GDPGP1: variants seen among roughly 807,000 people sequenced by gnomAD.
The protein encoded by GDPGP1 is GDP-D-glucose phosphorylase C15orf58.
Under a neutral mutation model 19.2 loss-of-function variants are expected in GDPGP1, and 18 were observed. The observed-to-expected ratio is 0.94, with a 90% CI of 0.65 to 1.39. The LOEUF is 1.39. Ranked by LOEUF, GDPGP1 falls within the 40% of genes most tolerant of loss-of-function variation. The pLI is 0.00. For missense variants in GDPGP1, 449 were observed against 490.5 expected (o/e 0.92, Z 0.80); for synonymous variants, 219 against 208.9 (o/e 1.05, Z -0.42).
chr15:90,241,563 C>T lies in GDPGP1; in HGVS notation c.655C>T (p.Leu219=), dbSNP rs1450395732. 6.2e-7 allele frequency: 1 copy of T among 1,613,334 alleles called. No individual in the cohort carries two copies. Among genetic ancestry groups the T allele is most frequent in the African/African-American group, 1.3e-5 (1 of 75,074 alleles). The change falls in exon 4 of 4, where the codon CTG becomes TTG. Residue 219 remains leucine, a synonymous_variant. Coordinates refer to ENST00000329600, the MANE Select transcript of GDPGP1 (RefSeq NM_001013657.3). ...GGLASVNHLH[L]HGYYLAHRLP... is the part of the protein sequence containing the mutation. ...CTTGGCCTCGGTGAACCACCTCCAC[C>T]TGCATGGCTATTACCTGGCCCACAG...
rs903501565 is a variant in GDPGP1, at chr15:90,244,983, C to A, written c.*2917C>A. 2.0e-5 allele frequency: 3 copies of A among 152,288 alleles called. No homozygotes were observed. The highest frequency in any genetic ancestry group is 7.2e-5 in the African/African-American group (3 of 41,448). 9.4% of individuals were successfully genotyped at this position (152,288 alleles called of 1,614,324 possible). A position where few individuals can be genotyped will look rare whatever the true frequency, so the allele number is the denominator to read the frequency against. ...TCTGGCTGCTGTCTGAGTGGGCTCA[C>A]CCAGGAGGGGTTTTGATTTCTCTGC... On this transcript the variant is annotated 3_prime_UTR_variant, in exon 4 of 4. Transcript: ENST00000329600.
chr15:90,243,297 G>C lies in GDPGP1; in HGVS notation c.*1231G>C, dbSNP rs1307423538. 2.0e-5 allele frequency: 3 copies of C among 152,164 alleles called. No individual in the cohort carries two copies. Among genetic ancestry groups the C allele is most frequent in the Non-Finnish European group, 4.4e-5 (3 of 68,046 alleles). 9.4% of individuals were successfully genotyped at this position (152,164 alleles called of 1,614,324 possible). A position where few individuals can be genotyped will look rare whatever the true frequency, so the allele number is the denominator to read the frequency against. On this transcript the variant is annotated 3_prime_UTR_variant, in exon 4 of 4. Transcript: ENST00000329600. ...GCTTTCCTCTAGCCCCCAACACCAAGTTGAATGCTCTTCACTGACATCATC... is the reference window on the plus strand; with the variant it reads ...GCTTTCCTCTAGCCCCCAACACCAACTTGAATGCTCTTCACTGACATCATC...
chr15:90,238,426 T>A (rs1596177025), intron 2 of GDPGP1, 66 bp from the exon 3 acceptor site: 2 of 152,266 alleles, frequency 1.3e-5, no homozygotes, highest in Admixed American at 1.3e-4. Context: ...CTCATTAAAC[T>A]TAGCTTGACT....
intron 2 of GDPGP1, among the ~76,000 whole-genome samples, chr15:90,236,913 C>T (rs953486347): frequency 1.3e-5 from 2 of 152,046 alleles, no homozygotes; most frequent in Admixed American, 1.3e-4. Context: ...ACCTGATCAA[C>T]TCTTGGTACA....
chr15:90,241,872 A>T lies in GDPGP1; in HGVS notation c.964A>T (p.Ile322Leu), dbSNP rs1200231362. The change falls in exon 4 of 4, where the codon ATA becomes TTA. Residue 322 changes from isoleucine to leucine, a missense_variant. Ile to Leu is a conservative substitution (Grantham distance 5). Coordinates refer to ENST00000329600, the MANE Select transcript of GDPGP1 (RefSeq NM_001013657.3). Reference protein sequence around the residue: ...ILWARKSSFGIKDGEAFNVAL... With the variant: ...ILWARKSSFGLKDGEAFNVAL... ...GTGGGCCCGGAAGTCCAGCTTTGGG[A>T]TAAAGGACGGTGAAGCTTTCAATGT... 18 of 1,613,998 alleles carry T rather than the reference A, an allele frequency of 1.1e-5. No homozygotes were observed. The highest frequency in any genetic ancestry group is 2.7e-5 in the African/African-American group (2 of 74,890).
intron 2 of GDPGP1, among the ~76,000 whole-genome samples, chr15:90,237,921 G>A (rs1962670291): frequency 6.6e-6 from 1 of 152,110 alleles, no homozygotes; most frequent in Non-Finnish European, 1.5e-5. Context: ...TACTACATTT[G>A]ATCATCAAAA....
At position 90,245,000 on chromosome 15, in the gene GDPGP1, T is replaced by C. The variant is rs1962835117; in HGVS notation, c.*2934T>C. On this transcript the variant is annotated 3_prime_UTR_variant, in exon 4 of 4. Coordinates refer to ENST00000329600, the MANE Select transcript of GDPGP1 (RefSeq NM_001013657.3). ...TGGGCTCACCCAGGAGGGGTTTTGA[T>C]TTCTCTGCCTCCCAAACTGTGGGTC... is the stretch of plus-strand genomic sequence containing the variant. The C allele has an allele frequency of 6.6e-6, 1 of 152,334 alleles. No homozygotes were observed. The highest frequency in any genetic ancestry group is 2.4e-5 in the African/African-American group (1 of 41,450). The allele number at this position is 152,334 out of a possible 1,614,324, so 9.4% of individuals were successfully genotyped here. A position where few individuals can be genotyped will look rare whatever the true frequency, so the allele number is the denominator to read the frequency against.
intron 3 of GDPGP1, among the ~76,000 whole-genome samples, chr15:90,239,963 C>T (rs1962715848): frequency 6.6e-6 from 1 of 151,888 alleles, no homozygotes; most frequent in Non-Finnish European, 1.5e-5. Flanking sequence ...GTGGCTCACA[C>T]CTGTAATCCC....
At position 90,240,962 on chromosome 15, in the gene GDPGP1, T is replaced by G. The variant is rs751471804; in HGVS notation, c.54T>G (p.Asn18Lys). 1.9e-6 allele frequency: 3 copies of G among 1,613,954 alleles called. No homozygotes were observed. In the East Asian group the frequency reaches 6.7e-5, roughly 36 times the overall value. Reference sequence around the variant, plus strand: ...CTTCCTATTTGCTGCCTCCCAACAATGAGGACTGGGGCAGGCAAACCATTC... The same window carrying G: ...CTTCCTATTTGCTGCCTCCCAACAAGGAGGACTGGGGCAGGCAAACCATTC... ...NETSYLLPPN[N>K]EDWGRQTIPD... The change falls in exon 4 of 4, where the codon AAT becomes AAG. Residue 18 changes from asparagine (N) to lysine (K), a missense_variant. Coordinates refer to ENST00000329600, the MANE Select transcript of GDPGP1 (RefSeq NM_001013657.3).
intron 3 of GDPGP1, among the ~76,000 whole-genome samples, chr15:90,240,301 A>C (rs1962724541): frequency 6.6e-6 from 1 of 152,072 alleles, no homozygotes; most frequent in African/African-American, 2.4e-5. Flanking sequence ...GGAGGTCAGG[A>C]GTTCAAGACC....
Position 90,241,492 on chromosome 15 carries a change from T to C in GDPGP1, c.584T>C (p.Leu195Pro), listed in dbSNP as rs201540680. Residue 195 changes from leucine to proline, a missense_variant, in exon 4 of 4, where the codon CTG (leucine) becomes CCG (proline). Transcript: ENST00000329600. ...AGGGCAGGGATTGAGGCTGTGCTGC[T>C]GAGCTTACACCCGGGCTTCCGTGTC... ...ALRAGIEAVL[L>P]SLHPGFRVGF... 10 of 1,613,654 alleles carry C rather than the reference T, an allele frequency of 6.2e-6. No individual in the cohort carries two copies. Among genetic ancestry groups the C allele is most frequent in the South Asian group, 2.2e-5 (2 of 91,086 alleles).
At chr15:90,240,862 T>C in intron 3 of GDPGP1, 38 bp from the exon 4 acceptor site, 1 of 1,295,298 alleles carries the variant, frequency 7.7e-7, no homozygotes, top group South Asian at 1.3e-5. Context: ...TGGAGGTGGG[T>C]TACCATCATG....
intron 2 of GDPGP1, among the ~76,000 whole-genome samples, chr15:90,235,286 C>A (rs1962608419): frequency 6.6e-6 from 1 of 152,162 alleles, no homozygotes; most frequent in African/African-American, 2.4e-5. Context: ...ATATTCAAGG[C>A]CAGGCGCGGT....
chr15:90,245,468 G>C lies in GDPGP1; in HGVS notation c.*3402G>C, dbSNP rs1052401294. ...AGCCTGGGCGGCAGAGAGAGACTTT[G>C]TCTCAAAAAAAAAAAAAAAGAAAAA... On this transcript the variant is annotated 3_prime_UTR_variant, in exon 4 of 4. Transcript: ENST00000329600. 2.3e-5 allele frequency: 2 copies of C among 85,410 alleles called. No homozygotes were observed. The highest frequency in any genetic ancestry group is 1.2e-4 in the African/African-American group (2 of 16,562). 5.3% of individuals were successfully genotyped at this position (85,410 alleles called of 1,614,324 possible).
Position 90,241,190 on chromosome 15 carries a change from C to T in GDPGP1, c.282C>T (p.Phe94=), listed in dbSNP as rs1465560607. 8 of 1,614,038 alleles carry T rather than the reference C, an allele frequency of 5.0e-6. No individual in the cohort carries two copies. Among genetic ancestry groups the T allele is most frequent in the East Asian group, 4.5e-5 (2 of 44,902 alleles). ...QTQILPGAVG[F]VAQLNVERGV... is the part of the protein sequence containing the mutation. ...AAATCCTCCCTGGTGCTGTGGGTTT[C>T]GTGGCTCAGCTGAATGTGGAGCGTG... Residue 94 remains phenylalanine, a synonymous_variant, in exon 4 of 4, where the codon TTC becomes TTT. Transcript: ENST00000329600.
intron 3 of GDPGP1, 40 bp from the exon 4 acceptor site, chr15:90,240,860 G>A: frequency 8.1e-7 from 1 of 1,241,712 alleles, no homozygotes; most frequent in Non-Finnish European, 1.2e-6. Context: ...TCTGGAGGTG[G>A]GTTACCATCA....
chr15:90,237,697 A>T (rs1962665029), intron 2 of GDPGP1, among the ~76,000 whole-genome samples: 1 of 151,984 alleles, frequency 6.6e-6, no homozygotes, highest in African/African-American at 2.4e-5. Flanking sequence ...GTCTAAGATT[A>T]TCTCTTTTTT....
chr15:90,241,104 G>A lies in GDPGP1; in HGVS notation c.196G>A (p.Ala66Thr), dbSNP rs1962744179. Residue 66 changes from alanine (A) to threonine (T), a missense_variant, in exon 4 of 4, where the codon GCC (alanine) becomes ACC (threonine). Transcript: ENST00000329600. ...QSPFDAALCS[A>T]WKQRVELGLF... The stretch of plus-strand genomic sequence containing the variant: ...TCCCTTTGATGCTGCACTCTGCTCT[G>A]CCTGGAAGCAGCGGGTGGAGCTGGG... 1 of 1,614,044 alleles carries A rather than the reference G, an allele frequency of 6.2e-7. No individual in the cohort carries two copies. Among genetic ancestry groups the A allele is most frequent in the Non-Finnish European group, 8.5e-7 (1 of 1,180,024 alleles).
Position 90,242,118 on chromosome 15 carries a change from T to C in GDPGP1, c.*52T>C, listed in dbSNP as rs1216459762. ...TTTTCTTTTCTTTTGAGATAGGGTC[T>C]CACTCTGTCCCCAGGCTAGAGTGTA... On this transcript the variant is annotated 3_prime_UTR_variant, in exon 4 of 4. Coordinates refer to ENST00000329600, the MANE Select transcript of GDPGP1 (RefSeq NM_001013657.3). The C allele has an allele frequency of 7.0e-7, 1 of 1,438,100 alleles. No homozygotes were observed. Among genetic ancestry groups the C allele is most frequent in the African/African-American group, 1.4e-5 (1 of 70,808 alleles). The allele number at this position is 1,438,100 out of a possible 1,614,324, so 89.1% of individuals were successfully genotyped here.
Sources: allele counts gnomAD v4.1 joint callset (sites outside exome capture counted in the v4.1 genomes callset), GRCh38; gene constraint gnomAD v4.1.1; transcripts MANE v1.5; gene names NCBI Gene and HGNC (gene_info 2026-07-23, HGNC 2026-07-21).